PTPRK: variants seen among roughly 807,000 people sequenced by gnomAD.
PTPRK encodes the protein receptor-type tyrosine-protein phosphatase kappa.
In PTPRK, 75 loss-of-function variants were observed where a neutral mutation model predicts 178.0. The observed-to-expected ratio is 0.42, with a 90% CI of 0.35 to 0.51. PTPRK has a LOEUF of 0.51. Among genes scored for constraint, PTPRK ranks in the 20% least tolerant of loss-of-function variants. The pLI is 0.02. For synonymous variants in PTPRK, 637 were observed against 620.6 expected (o/e 1.03, Z -0.39); for missense variants, 1,441 against 1,797.8 (o/e 0.80, Z 3.59).
At chr6:128,245,849 A>G (rs777926570) in intron 3 of PTPRK, among the ~76,000 whole-genome samples, 1 of 152,230 alleles carries the variant, frequency 6.6e-6, no homozygotes, top group Admixed American at 6.5e-5. Context: ...TCTGGTACAG[A>G]CCACTTTCTC....
rs568629750 is a variant in PTPRK at position 128,151,744 on chromosome 6, T to A, written c.1162+32688A>T. 3.9e-5 allele frequency among the ~76,000 whole-genome samples: 6 copies of A among 152,094 alleles called. No homozygotes were observed. The South Asian group carries it at 6.2e-4, about 16-fold the overall frequency. ...TAACTACTAGAAGGTTATTACAAAC[T>A]TCTAAAAAAGAAGTTTGAATGGAGT... On this transcript the variant is annotated intron_variant, in intron 7 of 29. Coordinates refer to ENST00000368226, the MANE Select transcript of PTPRK (RefSeq NM_002844.4).
intron 2 of PTPRK, among the ~76,000 whole-genome samples, chr6:128,329,119 C>A (rs1214477999): frequency 2.0e-5 from 3 of 152,000 alleles, no homozygotes; most frequent in Non-Finnish European, 4.4e-5. Context: ...ATGTAGAGAA[C>A]CCTATATTTT....
At chr6:128,120,036 C>T (rs919794966) in intron 7 of PTPRK, among the ~76,000 whole-genome samples, 12 of 151,748 alleles carry the variant, frequency 7.9e-5, no homozygotes, top group Non-Finnish European at 3.0e-5. Flanking sequence ...CCATTGTAAT[C>T]CAATGAAATC....
At chr6:128,077,300 G>A (rs1416804296) in intron 11 of PTPRK, among the ~76,000 whole-genome samples, 1 of 151,956 alleles carries the variant, frequency 6.6e-6, no homozygotes, top group Non-Finnish European at 1.5e-5. Flanking sequence ...ATTGATTCAT[G>A]AACAGCACTA....
chr6:128,412,175 T>C (rs1310639382), intron 1 of PTPRK, among the ~76,000 whole-genome samples: 1 of 152,222 alleles, frequency 6.6e-6, no homozygotes, highest in African/African-American at 2.4e-5. Flanking sequence ...AATATCTCTT[T>C]CCAATCATCT....
intron 1 of PTPRK, among the ~76,000 whole-genome samples, chr6:128,475,223 G>A (rs1851225381): frequency 6.6e-6 from 1 of 152,022 alleles, no homozygotes; most frequent in Non-Finnish European, 1.5e-5. Context: ...GATAATAAAG[G>A]TAAGTACCTC....
chr6:128,156,838 C>A (rs1361120153), intron 7 of PTPRK, among the ~76,000 whole-genome samples: 1 of 151,922 alleles, frequency 6.6e-6, no homozygotes, highest in Non-Finnish European at 1.5e-5. Context: ...TATATACATG[C>A]ATGTCTGTCA....
intron 3 of PTPRK, among the ~76,000 whole-genome samples, chr6:128,254,209 C>A (rs1286895986): frequency 1.3e-5 from 2 of 151,870 alleles, no homozygotes; most frequent in African/African-American, 4.8e-5. Flanking sequence ...GGATAGAACG[C>A]CTGTGAACTT....
intron 1 of PTPRK, among the ~76,000 whole-genome samples, chr6:128,439,191 T>TTTCCCC (rs1365772376): frequency 1.3e-5 from 2 of 152,176 alleles, no homozygotes; most frequent in Admixed American, 1.3e-4. Flanking sequence ...CAGTTATGCA[T>TTTCCCC]TTCCCCTTCC....
At chr6:128,056,675 C>T (rs377752346) in intron 13 of PTPRK, among the ~76,000 whole-genome samples, 12 of 152,178 alleles carry the variant, frequency 7.9e-5, no homozygotes, top group East Asian at 7.7e-4. Context: ...ACACCTGCCT[C>T]GGCCTCCCAA....
At chr6:128,087,949 T>C (rs771510208) in intron 8 of PTPRK, among the ~76,000 whole-genome samples, 8 of 152,202 alleles carry the variant, frequency 5.3e-5, no homozygotes, top group Non-Finnish European at 1.2e-4. Context: ...GTAAAAACTA[T>C]GGCATAATAA....
chr6:128,050,172 A>G (rs147133040), intron 13 of PTPRK, among the ~76,000 whole-genome samples: 37 of 152,260 alleles, frequency 2.4e-4, no homozygotes, highest in African/African-American at 8.2e-4. Context: ...AATCAATATC[A>G]AACAATCTCA....
intron 13 of PTPRK, among the ~76,000 whole-genome samples, chr6:128,042,469 C>G (rs1777355298): frequency 6.6e-6 from 1 of 152,000 alleles, no homozygotes; most frequent in Non-Finnish European, 1.5e-5. Context: ...TTTCTAGAGG[C>G]TGCCTGAATT....
At chr6:128,298,707 A>G (rs913967827) in intron 3 of PTPRK, among the ~76,000 whole-genome samples, 2 of 152,172 alleles carry the variant, frequency 1.3e-5, no homozygotes, top group Non-Finnish European at 2.9e-5. Context: ...TTAGGTATTG[A>G]TGGGACGTAT....
chr6:128,235,206 A>T (rs1027592774), intron 5 of PTPRK, among the ~76,000 whole-genome samples: 1 of 152,164 alleles, frequency 6.6e-6, no homozygotes, highest in East Asian at 1.9e-4. Context: ...AAAACATGCA[A>T]ATATTGAAAT....
rs10651820 is a variant in PTPRK, at chr6:128,322,667, A to AATATATATATATATAT, written c.224-358_224-357insATATATATATATATAT. Among the ~76,000 whole-genome samples the AATATATATATATATAT allele has an allele frequency of 4.9e-4, 70 of 143,716 alleles. 1 individual carries two copies. The highest frequency in any genetic ancestry group is 1.9e-3 in the Admixed American group (28 of 14,574). 94.3% of individuals were successfully genotyped at this position (143,716 alleles called of 152,430 possible). ...TTACTGAACACAAGTCTTTTAATATAATATATATATATATGTATACACACA... is the reference window on the plus strand; with the variant it reads ...TTACTGAACACAAGTCTTTTAATATAATATATATATATATATATATATATATATATGTATACACACA... On this transcript the variant is annotated intron_variant, in intron 2 of 29. Transcript: ENST00000368226.
intron 13 of PTPRK, among the ~76,000 whole-genome samples, chr6:128,060,602 A>C (rs1207560295): frequency 6.6e-6 from 1 of 152,178 alleles, no homozygotes; most frequent in East Asian, 1.9e-4. Context: ...TCATAAGAAT[A>C]GCAGTGATTA....
chr6:128,169,924 T>C (rs1002757772), intron 7 of PTPRK, among the ~76,000 whole-genome samples: 21 of 151,938 alleles, frequency 1.4e-4, no homozygotes, highest in Admixed American at 1.2e-3. Context: ...AGTTTACTTT[T>C]TATTTGAAAA....
At chr6:128,289,982 CTTGA>C (rs1823108604) in intron 3 of PTPRK, among the ~76,000 whole-genome samples, 1 of 152,090 alleles carries the variant, frequency 6.6e-6, no homozygotes, top group Admixed American at 6.6e-5. Flanking sequence ...TTAAAAGACA[CTTGA>C]TTTGTGAAGC....
Sources: gnomAD v4.1 joint callset for allele counts (sites outside exome capture counted in the v4.1 genomes callset) on GRCh38, gnomAD v4.1.1 for gene constraint, MANE v1.5 for transcripts, NCBI Gene and HGNC (gene_info 2026-07-23, HGNC 2026-07-21) for gene names.